ADGB: variants seen among roughly 807,000 people sequenced by gnomAD.
ADGB encodes calpain-7-like protein.
Under a neutral mutation model 210.5 loss-of-function variants are expected in ADGB, and 172 were observed. The observed-to-expected ratio is 0.82, with a 90% confidence interval of 0.72 to 0.93. The LOEUF is 0.93. Among genes scored for constraint, ADGB ranks in the 40% least tolerant of loss-of-function variants. The probability of loss-of-function intolerance (pLI) is 0.00; values close to 1 mark genes in which losing one functional copy is unlikely to be tolerated. For synonymous variants in ADGB, 658 were observed against 662.7 expected, an observed-to-expected ratio of 0.99 and a Z score of 0.11; for missense variants, 2,025 against 1,964.8, an observed-to-expected ratio of 1.03 and a Z score of -0.58.
intron 33 of ADGB, among the ~76,000 whole-genome samples, chr6:146,796,686 C>T (rs1778048196): frequency 1.3e-5 from 2 of 152,066 alleles, no homozygotes; most frequent in African/African-American, 4.8e-5. Context: ...ACTGTATCCT[C>T]ATCTCTCATC....
intron 27 of ADGB, among the ~76,000 whole-genome samples, chr6:146,754,186 T>A (rs1562292850): frequency 6.6e-6 from 1 of 151,320 alleles, no homozygotes; most frequent in Non-Finnish European, 1.5e-5. Context: ...TAAATTTGCA[T>A]AAAGGATTTT....
At position 146,733,191 on chromosome 6, in the gene ADGB, T is replaced by A; in HGVS notation, c.2592T>A (p.Phe864Leu). Residue 864 changes from phenylalanine to leucine, a missense_variant, in exon 21 of 36, where the codon TTT becomes TTA. By Grantham distance (22) the Phe-to-Leu change is conservative. Coordinates refer to ENST00000397944, the MANE Select transcript of ADGB (RefSeq NM_024694.4). ...CAAAACCTCCTCCAAACTTCAAATT[T>A]GCATTCCGGGCTATGGTTTTGGACT... ...QITKPPPNFKFAFRAMVLDLE... is the reference protein window; with the variant it reads ...QITKPPPNFKLAFRAMVLDLE... 6.5e-7 allele frequency: 1 copy of A among 1,543,806 alleles called. No homozygotes were observed. Among genetic ancestry groups the A allele is most frequent in the Non-Finnish European group, 8.8e-7 (1 of 1,142,416 alleles).
chr6:146,647,115 A>AAAAAAAAAAAAAAAAAAC (rs1562263814), intron 3 of ADGB, among the ~76,000 whole-genome samples: 10 of 147,924 alleles, frequency 6.8e-5, no homozygotes, highest in African/African-American at 1.8e-4. Flanking sequence ...CAAAAAACAA[A>AAAAAAAAAAAAAAAAAAC]AAACAAACAA....
chr6:146,644,853 T>G lies in ADGB; in HGVS notation c.318T>G (p.Ile106Met), dbSNP rs771757629. The change falls in exon 3 of 36, where the codon ATT (isoleucine) becomes ATG (methionine). Residue 106 changes from isoleucine (I) to methionine (M), a missense_variant. Transcript: ENST00000397944. Reference protein sequence around the residue: ...KIYSWKRPQDILFSQTPVVVK... With the variant: ...KIYSWKRPQDMLFSQTPVVVK... ...ATTCCTGGAAACGTCCACAAGATAT[T>G]TTATTTAGTCAGGTAAGAAAGTTTT... 3.4e-6 allele frequency: 5 copies of G among 1,482,586 alleles called. No individual in the cohort carries two copies. In the Middle Eastern group the frequency reaches 7.3e-4, roughly 217 times the overall value. 91.8% of individuals were successfully genotyped at this position (1,482,586 alleles called of 1,614,324 possible).
intron 1 of ADGB, among the ~76,000 whole-genome samples, chr6:146,617,063 C>T (rs1780813035): frequency 6.6e-6 from 1 of 151,986 alleles, no homozygotes; most frequent in African/African-American, 2.4e-5. Context: ...AATAATAATT[C>T]TTCCAATTTA....
intron 1 of ADGB, among the ~76,000 whole-genome samples, chr6:146,607,551 T>C (rs990244882): frequency 2.0e-5 from 3 of 152,178 alleles, no homozygotes; most frequent in Non-Finnish European, 4.4e-5. Context: ...GCTCTTATTA[T>C]TTTGATGTAT....
At chr6:146,692,516 A>G (rs1010840600) in intron 11 of ADGB, among the ~76,000 whole-genome samples, 27 of 152,174 alleles carry the variant, frequency 1.8e-4, no homozygotes, top group Admixed American at 2.0e-4. Flanking sequence ...ATAGAAACTC[A>G]TTCCTGTACT....
At chr6:146,803,679 G>GT in intron 35 of ADGB, 1 of 1,263,248 alleles carries the variant, frequency 7.9e-7, no homozygotes, top group Non-Finnish European at 1.1e-6. Flanking sequence ...CAAAAGTTCC[G>GT]TTTTTTAACA....
chr6:146,783,704 TC>T (rs2114645786), intron 30 of ADGB, among the ~76,000 whole-genome samples: 1 of 152,282 alleles, frequency 6.6e-6, no homozygotes, highest in East Asian at 1.9e-4. Flanking sequence ...AATCCACTCT[TC>T]CCAGCTGCAT....
In ADGB at chr6:146,728,571, C is replaced by G; in HGVS notation, c.2353-3C>G. On this transcript the variant is annotated splice_polypyrimidine_tract_variant and splice_region_variant and intron_variant, in intron 19 of 35. Coordinates refer to ENST00000397944, the MANE Select transcript of ADGB (RefSeq NM_024694.4). The stretch of plus-strand genomic sequence containing the variant: ...GGATGGCTGCCATGCTTTGTCTTCA[C>G]AGGAGAGCTGCCGATTTACGGAACA... 6.4e-7 allele frequency: 1 copy of G among 1,550,606 alleles called. No homozygotes were observed. Among genetic ancestry groups the G allele is most frequent in the Non-Finnish European group, 8.7e-7 (1 of 1,146,196 alleles).
chr6:146,795,799 G>A (rs1263151876), intron 33 of ADGB, among the ~76,000 whole-genome samples: 3 of 152,118 alleles, frequency 2.0e-5, no homozygotes, highest in African/African-American at 7.2e-5. Context: ...GCATGTGAAT[G>A]TTCATTGCAG....
At chr6:146,790,640 G>A (rs971893382) in intron 33 of ADGB, among the ~76,000 whole-genome samples, 5 of 152,126 alleles carry the variant, frequency 3.3e-5, no homozygotes, top group African/African-American at 1.2e-4. Context: ...TGTGAATAAC[G>A]TAATGCACAT....
Position 146,724,187 on chromosome 6 carries a change from C to G in ADGB, c.2097C>G (p.Ala699=). The change falls in exon 18 of 36, where the codon GCC becomes GCG. Residue 699 remains alanine (A), a splice_region_variant and synonymous_variant. Coordinates refer to ENST00000397944, the MANE Select transcript of ADGB (RefSeq NM_024694.4). ...AATACCTTTTTACTTATCTTAAAGC[C>G]TTAACAAAAGACAGTCCTCCCATAG... ...SALVRWGEYG[A]LTKDSPPIEP... 2 of 1,547,600 alleles carry G rather than the reference C, an allele frequency of 1.3e-6. No individual in the cohort carries two copies. The highest frequency in any genetic ancestry group is 1.7e-6 in the Non-Finnish European group (2 of 1,145,736).
chr6:146,734,501 C>T (rs1777049831), intron 22 of ADGB, among the ~76,000 whole-genome samples: 1 of 152,074 alleles, frequency 6.6e-6, no homozygotes, highest in South Asian at 2.1e-4. Flanking sequence ...CTATGTATGT[C>T]CATAGTGACA....
chr6:146,726,109 A>T lies in ADGB; in HGVS notation c.2264A>T (p.Tyr755Phe). The T allele has an allele frequency of 6.5e-7, 1 of 1,543,606 alleles. No homozygotes were observed. Among genetic ancestry groups the T allele is most frequent in the Non-Finnish European group, 8.8e-7 (1 of 1,140,500 alleles). ...AGACACATGCTACTCTTCAACGCAT[A>T]CTCCCCAGTAGGACACTCCATACAC... Reference protein sequence around the residue: ...VGRHMLLFNAYSPVGHSIHIC... With the variant: ...VGRHMLLFNAFSPVGHSIHIC... The change falls in exon 19 of 36, where the codon TAC becomes TTC. Residue 755 changes from tyrosine to phenylalanine, a missense_variant. By Grantham distance (22) the Tyr-to-Phe change is conservative. Coordinates refer to ENST00000397944, the MANE Select transcript of ADGB (RefSeq NM_024694.4).
Position 146,741,205 on chromosome 6 carries a change from T to G in ADGB, c.3111T>G (p.Asn1037Lys). The change falls in exon 25 of 36, where the codon AAT becomes AAG. Residue 1037 changes from asparagine to lysine, a missense_variant. By Grantham distance (94) the Asn-to-Lys change is moderately conservative. Transcript: ENST00000397944. Reference sequence around the variant, plus strand: ...TCTGTATCCTACACATTGTTAATAATGACACAATGGAGCAAGTGCCAAAGG... The same window carrying G: ...TCTGTATCCTACACATTGTTAATAAGGACACAATGGAGCAAGTGCCAAAGG... ...LPICILHIVN[N>K]DTMEQVPKVF... 1.3e-6 allele frequency: 2 copies of G among 1,550,956 alleles called. No individual in the cohort carries two copies.
intron 1 of ADGB, among the ~76,000 whole-genome samples, chr6:146,614,837 A>C (rs910912671): frequency 6.6e-6 from 1 of 152,206 alleles, no homozygotes; most frequent in African/African-American, 2.4e-5. Context: ...TAATCATGGC[A>C]GAATGTGACA....
chr6:146,740,600 T>G lies in ADGB; in HGVS notation c.3023+7T>G. On this transcript the variant is annotated splice_region_variant and intron_variant, in intron 24 of 35. Transcript: ENST00000397944. ...CTTGGTTTATAGTATTCAGGTGAGG[T>G]TGTTATATAGTGACAAATATGTCTC... The G allele has an allele frequency of 6.5e-7, 1 of 1,549,626 alleles. No homozygotes were observed. The highest frequency in any genetic ancestry group is 8.7e-7 in the Non-Finnish European group (1 of 1,146,164).
Position 146,768,964 on chromosome 6 carries a change from T to C in ADGB, c.3751-56T>C. Reference sequence around the variant, plus strand: ...ATGTACCTAGCATAATAAATGACATTAGGCACATACCATGTATGTTCTTAT... The same window carrying C: ...ATGTACCTAGCATAATAAATGACATCAGGCACATACCATGTATGTTCTTAT... On this transcript the variant is annotated intron_variant, in intron 28 of 35. Transcript: ENST00000397944. 4 of 915,266 alleles carry C rather than the reference T, an allele frequency of 4.4e-6. No individual in the cohort carries two copies. The South Asian group carries it at 8.2e-5, about 19-fold the overall frequency. 56.7% of individuals were successfully genotyped at this position (915,266 alleles called of 1,614,324 possible). A position where few individuals can be genotyped will look rare whatever the true frequency, so the allele number is the denominator to read the frequency against.
Sources: gnomAD v4.1 joint callset for allele counts (sites outside exome capture counted in the v4.1 genomes callset) on GRCh38, gnomAD v4.1.1 for gene constraint, MANE v1.5 for transcripts, NCBI Gene and HGNC (gene_info 2026-07-23, HGNC 2026-07-21) for gene names.